PTPRD: variants seen among roughly 807,000 people sequenced by gnomAD.
The protein encoded by PTPRD is receptor-type tyrosine-protein phosphatase delta.
A neutral mutation model predicts 214.5 loss-of-function variants in PTPRD; 34 were observed. The observed-to-expected ratio is 0.16, with a 90% CI of 0.12 to 0.21. The LOEUF (loss-of-function observed/expected upper bound fraction) is 0.21. Among genes scored for constraint, PTPRD ranks in the 10% least tolerant of loss-of-function variants. The pLI is 1.00. For missense variants in PTPRD, 2,545 were observed against 2,398.7 expected, an observed-to-expected ratio of 1.06 and a Z score of -1.27; for synonymous variants, 1,128 against 845.7, an observed-to-expected ratio of 1.33 and a Z score of -5.79.
chr9:10,204,625 A>T (rs181521817), intron 3 of PTPRD, among the ~76,000 whole-genome samples: 139 of 152,310 alleles, frequency 9.1e-4, no homozygotes, highest in African/African-American at 3.2e-3. Context: ...AGTAATGTGT[A>T]TAACTATGAC....
At chr9:9,323,864 C>G (rs896208901) in intron 9 of PTPRD, among the ~76,000 whole-genome samples, 15 of 152,110 alleles carry the variant, frequency 9.9e-5, no homozygotes, top group African/African-American at 3.6e-4. Flanking sequence ...ACAACAGGCC[C>G]TGGTGTGTGA....
intron 10 of PTPRD, among the ~76,000 whole-genome samples, chr9:9,109,290 T>C (rs1469580701): frequency 6.6e-6 from 1 of 152,154 alleles, no homozygotes; most frequent in Non-Finnish European, 1.5e-5. Flanking sequence ...ATCTGTGCAT[T>C]TTTCTTTCAG....
chr9:8,453,417 G>C (rs1438996549), intron 33 of PTPRD, among the ~76,000 whole-genome samples: 1 of 152,200 alleles, frequency 6.6e-6, no homozygotes, highest in African/African-American at 2.4e-5. Flanking sequence ...ACCCGCCTCA[G>C]CCTCCCAGAG....
At chr9:8,496,523 G>C (rs932950550) in intron 26 of PTPRD, among the ~76,000 whole-genome samples, 14 of 152,088 alleles carry the variant, frequency 9.2e-5, no homozygotes, top group African/African-American at 3.4e-4. Context: ...AAATAACATA[G>C]AGTTTTCATT....
intron 3 of PTPRD, among the ~76,000 whole-genome samples, chr9:10,109,296 G>C (rs548701091): frequency 6.6e-6 from 1 of 152,162 alleles, no homozygotes; most frequent in African/African-American, 2.4e-5. Flanking sequence ...AAGCTGATGA[G>C]TGATGTTACA....
At chr9:9,321,062 T>C (rs1966222455) in intron 9 of PTPRD, among the ~76,000 whole-genome samples, 1 of 152,208 alleles carries the variant, frequency 6.6e-6, no homozygotes, top group South Asian at 2.1e-4. Context: ...AATGATTTAA[T>C]GATAATTTGT....
At chr9:10,360,247 T>C (rs190118413) in intron 2 of PTPRD, among the ~76,000 whole-genome samples, 365 of 152,376 alleles carry the variant, frequency 2.4e-3, no homozygotes, top group Non-Finnish European at 4.4e-3. Flanking sequence ...TTATCAATCC[T>C]GGCTTCAGTT....
At chr9:9,521,317 T>G (rs1456171405) in intron 8 of PTPRD, among the ~76,000 whole-genome samples, 2 of 152,168 alleles carry the variant, frequency 1.3e-5, no homozygotes, top group Non-Finnish European at 1.5e-5. Context: ...TCCCTACTTC[T>G]TACTTGACAT....
chr9:9,925,657 C>T (rs2084023507), intron 5 of PTPRD, among the ~76,000 whole-genome samples: 1 of 151,970 alleles, frequency 6.6e-6, no homozygotes, highest in African/African-American at 2.4e-5. Flanking sequence ...TACCTACCTG[C>T]ATAACTAAAC....
intron 5 of PTPRD, among the ~76,000 whole-genome samples, chr9:9,897,305 T>C (rs568166997): frequency 6.6e-6 from 1 of 152,216 alleles, no homozygotes; most frequent in South Asian, 2.1e-4. Context: ...CTATATGAAA[T>C]CTATATACTT....
chr9:9,152,155 G>T (rs1160114490), intron 10 of PTPRD, among the ~76,000 whole-genome samples: 2 of 152,130 alleles, frequency 1.3e-5, no homozygotes, highest in African/African-American at 2.4e-5. Context: ...TTGCACATTT[G>T]CATGCACTGG....
intron 3 of PTPRD, among the ~76,000 whole-genome samples, chr9:10,077,730 A>G (rs990734465): frequency 2.0e-5 from 3 of 152,118 alleles, no homozygotes; most frequent in Non-Finnish European, 2.9e-5. Flanking sequence ...CCCACTTAAT[A>G]AGTAAGAACC....
At chr9:10,338,238 T>A (rs2096877514) in intron 3 of PTPRD, among the ~76,000 whole-genome samples, 1 of 151,622 alleles carries the variant, frequency 6.6e-6, no homozygotes, top group Non-Finnish European at 1.5e-5. Context: ...GAGTCATGTA[T>A]AGTAAGTGCT....
chr9:9,234,030 G>C (rs1245293466), intron 9 of PTPRD, among the ~76,000 whole-genome samples: 1 of 152,092 alleles, frequency 6.6e-6, no homozygotes, highest in African/African-American at 2.4e-5. Flanking sequence ...GACTCTGTGT[G>C]GGGGCTCCAA....
In PTPRD at chr9:9,570,238, T is replaced by G. The variant is rs578130458; in HGVS notation, c.-237+4494A>C. On this transcript the variant is annotated intron_variant, in intron 8 of 45. Coordinates refer to ENST00000381196, the MANE Select transcript of PTPRD (RefSeq NM_002839.4). Reference sequence around the variant, plus strand: ...ATTATTATTTGGACTTCAAACGGTGTTTGTGACTTCAGATTAGACTTCTAT... The same window carrying G: ...ATTATTATTTGGACTTCAAACGGTGGTTGTGACTTCAGATTAGACTTCTAT... 2.6e-5 allele frequency among the ~76,000 whole-genome samples: 4 copies of G among 151,672 alleles called. No individual in the cohort carries two copies. In the South Asian group the frequency reaches 8.3e-4, roughly 31 times the overall value.
At chr9:9,014,018 T>G (rs2099522855) in intron 11 of PTPRD, among the ~76,000 whole-genome samples, 1 of 131,746 alleles carries the variant, frequency 7.6e-6, no homozygotes, top group South Asian at 2.4e-4. Context: ...TTTGTCTACT[T>G]GATATCTTCT....
intron 14 of PTPRD, among the ~76,000 whole-genome samples, chr9:8,608,513 A>G (rs187465046): frequency 1.3e-5 from 2 of 152,110 alleles, no homozygotes; most frequent in Non-Finnish European, 2.9e-5. Context: ...ATTCCAAGAG[A>G]GTCACTTAGA....
At chr9:8,719,005 G>T (rs1380996920) in intron 12 of PTPRD, among the ~76,000 whole-genome samples, 1 of 152,078 alleles carries the variant, frequency 6.6e-6, no homozygotes, top group Non-Finnish European at 1.5e-5. Context: ...CATGACTTTT[G>T]TGCTTTTATT....
intron 2 of PTPRD, among the ~76,000 whole-genome samples, chr9:10,588,489 A>G (rs998344768): frequency 6.6e-6 from 1 of 151,498 alleles, no homozygotes; most frequent in African/African-American, 2.4e-5. Context: ...AACCAGAAAT[A>G]AATATTAATC....
Sources: gnomAD v4.1 joint callset for allele counts (sites outside exome capture counted in the v4.1 genomes callset) on GRCh38, gnomAD v4.1.1 for gene constraint, MANE v1.5 for transcripts, NCBI Gene and HGNC (gene_info 2026-07-23, HGNC 2026-07-21) for gene names.